Variants in DCC observed in about 807,000 individuals in gnomAD.
DCC encodes the protein netrin receptor DCC.
Under a neutral mutation model 172.5 loss-of-function variants are expected in DCC, and 58 were observed. The ratio of observed to expected loss-of-function variants is 0.34; its 90% CI spans 0.27 to 0.42. The LOEUF is 0.42. DCC is among the 10% of genes least tolerant of loss of function. DCC has a pLI of 1.00. For synonymous variants in DCC, 709 were observed against 644.5 expected, an observed-to-expected ratio of 1.10 and a Z score of -1.52; for missense variants, 1,740 against 1,791.0, an observed-to-expected ratio of 0.97 and a Z score of 0.51.
At chr18:53,298,431 G>A (rs1217151125) in intron 12 of DCC, among the ~76,000 whole-genome samples, 3 of 149,364 alleles carry the variant, frequency 2.0e-5, no homozygotes, top group South Asian at 2.2e-4. Flanking sequence ...TCCCACAGGA[G>A]GTGGAAGGAT....
intron 5 of DCC, among the ~76,000 whole-genome samples, chr18:53,011,988 C>A (rs561474375): frequency 6.6e-6 from 1 of 151,742 alleles, no homozygotes; most frequent in African/African-American, 2.4e-5. Flanking sequence ...TTAAACAATG[C>A]TGAAATACCC....
intron 24 of DCC, among the ~76,000 whole-genome samples, chr18:53,465,045 C>G (rs544306613): frequency 1.7e-4 from 25 of 147,336 alleles, no homozygotes; most frequent in African/African-American, 5.5e-4. Context: ...TCTAGAGTTA[C>G]TTTTTTGGAG....
chr18:52,702,295 C>G (rs1335216722), intron 1 of DCC, among the ~76,000 whole-genome samples: 1 of 152,120 alleles, frequency 6.6e-6, no homozygotes, highest in East Asian at 1.9e-4. Context: ...ACCTCCTTGT[C>G]CCTCTCTCAA....
At chr18:52,472,573 A>G (rs1481813939) in intron 1 of DCC, among the ~76,000 whole-genome samples, 1 of 152,194 alleles carries the variant, frequency 6.6e-6, no homozygotes, top group Admixed American at 6.5e-5. Context: ...CTAGATCTAA[A>G]TATATGTTCT....
At chr18:52,991,288 A>G (rs1003825728) in intron 5 of DCC, among the ~76,000 whole-genome samples, 3 of 152,174 alleles carry the variant, frequency 2.0e-5, no homozygotes, top group Admixed American at 2.0e-4. Context: ...AGTAAGTGTC[A>G]TCTATTTAGC....
At chr18:53,445,402 T>A (rs772806090) in intron 22 of DCC, among the ~76,000 whole-genome samples, 1 of 152,220 alleles carries the variant, frequency 6.6e-6, no homozygotes, top group Non-Finnish European at 1.5e-5. Context: ...AGTGAACTTG[T>A]CATTCTTACA....
At chr18:52,379,178 G>A (rs1251252236) in intron 1 of DCC, among the ~76,000 whole-genome samples, 1 of 151,764 alleles carries the variant, frequency 6.6e-6, no homozygotes, top group Non-Finnish European at 1.5e-5. Context: ...TTTTCCCTCT[G>A]TCTCAATTTT....
At chr18:53,455,648 T>A (rs2045473841) in intron 23 of DCC, among the ~76,000 whole-genome samples, 1 of 152,228 alleles carries the variant, frequency 6.6e-6, no homozygotes, top group African/African-American at 2.4e-5. Context: ...AAGTAACAAA[T>A]CTGATTAATA....
At chr18:53,112,908 G>A (rs1354765101) in intron 7 of DCC, among the ~76,000 whole-genome samples, 1 of 151,260 alleles carries the variant, frequency 6.6e-6, no homozygotes, top group Non-Finnish European at 1.5e-5. Flanking sequence ...AAGCCTTTTT[G>A]CTTAATTTTA....
rs78478925 is a variant in DCC at position 53,185,529 on chromosome 18, A to G, written c.1573+6413A>G. On this transcript the variant is annotated intron_variant, in intron 9 of 28. Coordinates refer to ENST00000442544, the MANE Select transcript of DCC (RefSeq NM_005215.4). ...AATAGCCCTATTCCAACTTCTTAGTAGCACTTAAAATTTAAATAAAATTAA... is the reference window on the plus strand; with the variant it reads ...AATAGCCCTATTCCAACTTCTTAGTGGCACTTAAAATTTAAATAAAATTAA... Among the ~76,000 whole-genome samples, 858 of 152,356 alleles carry G rather than the reference A, an allele frequency of 5.6e-3. 7 individuals carry two copies. Among genetic ancestry groups the G allele is most frequent in the Admixed American group, 0.023 (351 of 15,300 alleles).
At chr18:53,122,439 C>T (rs908989593) in intron 7 of DCC, among the ~76,000 whole-genome samples, 5 of 152,010 alleles carry the variant, frequency 3.3e-5, no homozygotes, top group African/African-American at 1.2e-4. Context: ...ATCACCACTT[C>T]TCACAATCAC....
At chr18:52,498,124 C>CT (rs145420306) in intron 1 of DCC, among the ~76,000 whole-genome samples, 8,731 of 152,180 alleles carry the variant, frequency 0.057, 311 homozygotes, top group South Asian at 0.12. Context: ...AAATGTTCTT[C>CT]TTTTTTTCCC....
At chr18:52,687,407 C>T (rs2035858317) in intron 1 of DCC, among the ~76,000 whole-genome samples, 2 of 151,396 alleles carry the variant, frequency 1.3e-5, no homozygotes, top group South Asian at 4.2e-4. Flanking sequence ...GCCTCAGCCT[C>T]CTGAGTAGCT....
At chr18:53,219,607 G>A (rs887675859) in intron 12 of DCC, among the ~76,000 whole-genome samples, 6 of 152,052 alleles carry the variant, frequency 3.9e-5, no homozygotes, top group African/African-American at 1.2e-4. Flanking sequence ...GCATCTATGT[G>A]AATGTCTTTT....
chr18:53,169,751 C>T (rs1332074227), intron 8 of DCC, among the ~76,000 whole-genome samples: 1 of 152,136 alleles, frequency 6.6e-6, no homozygotes, highest in Non-Finnish European at 1.5e-5. Flanking sequence ...CCGAACAATA[C>T]AAGTTTACCC....
At chr18:53,515,965 G>A (rs2046328839) in intron 27 of DCC, among the ~76,000 whole-genome samples, 2 of 151,180 alleles carry the variant, frequency 1.3e-5, no homozygotes, top group African/African-American at 4.9e-5. Flanking sequence ...AGTTCATATG[G>A]AACCAAAAAA....
chr18:52,605,625 A>G (rs1187659010), intron 1 of DCC, among the ~76,000 whole-genome samples: 1 of 152,146 alleles, frequency 6.6e-6, no homozygotes, highest in Non-Finnish European at 1.5e-5. Flanking sequence ...GCATTCAGCC[A>G]TATATTGGTA....
At chr18:52,482,641 A>C (rs777196536) in intron 1 of DCC, among the ~76,000 whole-genome samples, 6 of 152,130 alleles carry the variant, frequency 3.9e-5, no homozygotes, top group Non-Finnish European at 7.4e-5. Flanking sequence ...TCCACCTTGC[A>C]CAATTTAGTG....
At chr18:52,772,828 A>G (rs933835397) in intron 2 of DCC, among the ~76,000 whole-genome samples, 4 of 152,198 alleles carry the variant, frequency 2.6e-5, no homozygotes, top group Admixed American at 2.6e-4. Flanking sequence ...TGCCTCTAAA[A>G]GTTGAAGTTA....
Sources: allele counts gnomAD v4.1 joint callset (sites outside exome capture counted in the v4.1 genomes callset), GRCh38; gene constraint gnomAD v4.1.1; transcripts MANE v1.5; gene names NCBI Gene and HGNC (gene_info 2026-07-23, HGNC 2026-07-21).